CKAP5: variants seen among roughly 807,000 people sequenced by gnomAD.
CKAP5 encodes cytoskeleton-associated protein 5.
In CKAP5, 27 loss-of-function variants were observed where a neutral mutation model predicts 232.8. That is an observed-to-expected ratio of 0.12 (90% CI 0.09 to 0.16). The LOEUF is 0.16. Ranked by LOEUF, CKAP5 falls within the 10% of genes least tolerant of loss-of-function variation. The probability of loss-of-function intolerance (pLI) is 1.00; values close to 1 mark genes in which losing one functional copy is unlikely to be tolerated. For synonymous variants in CKAP5, 785 were observed against 841.1 expected (o/e 0.93, Z 1.16); for missense variants, 1,838 against 2,424.7 (o/e 0.76, Z 5.08).
rs1938915782 is a variant in CKAP5 at position 46,797,830 on chromosome 11, T to A, written c.1313A>T (p.Lys438Met). 6.2e-7 allele frequency: 1 copy of A among 1,613,104 alleles called. No individual in the cohort carries two copies. The highest frequency in any genetic ancestry group is 1.3e-5 in the African/African-American group (1 of 74,850). ...CTTAAGTAGTGCAGCACAAAAGGGC[T>A]TTAGCAAGCTCTTTGGCAGGGTAGA... is the stretch of plus-strand genomic sequence containing the variant. ...TASTLPKSLL[K>M]PFCAALLKHI... Residue 438 changes from lysine (K) to methionine (M), a missense_variant, in exon 11 of 44, where the codon AAG becomes ATG. Transcript: ENST00000529230.
chr11:46,821,013 G>A (rs762804625), intron 2 of CKAP5, 162 bp downstream of exon 2: 20 of 549,566 alleles, frequency 3.6e-5, no homozygotes, highest in Non-Finnish European at 5.7e-5. Flanking sequence ...TTTTAGTTGA[G>A]CTACAGAAAC....
rs116846611 is a variant in CKAP5 at position 46,784,021 on chromosome 11, A to T, written c.2154+467T>A. ...GTGTCTGACCGAATATTTTTGACTAAGATGAATTTTCATCACTAGGCAATA... is the reference window on the plus strand; with the variant it reads ...GTGTCTGACCGAATATTTTTGACTATGATGAATTTTCATCACTAGGCAATA... On this transcript the variant is annotated intron_variant, in intron 17 of 43. Coordinates refer to ENST00000529230, the MANE Select transcript of CKAP5 (RefSeq NM_001008938.4). 2.5e-3 allele frequency among the ~76,000 whole-genome samples: 379 copies of T among 151,732 alleles called. 6 individuals carry two copies. In the East Asian group the frequency reaches 0.041, roughly 17 times the overall value.
intron 18 of CKAP5, among the ~76,000 whole-genome samples, chr11:46,782,260 G>A (rs909130056): frequency 6.6e-6 from 1 of 152,038 alleles, no homozygotes; most frequent in East Asian, 1.9e-4. Context: ...TGAAGGACTG[G>A]AACAAACAAT....
Position 46,784,476 on chromosome 11 carries a change from T to C in CKAP5, c.2154+12A>G, listed in dbSNP as rs1027043876. On this transcript the variant is annotated intron_variant, in intron 17 of 43. Transcript: ENST00000529230. ...GGGAAAACTAGAGGAATAAGACTTCTGTGTCACTAACCTGTTCAGCAGTCC... is the reference window on the plus strand; with the variant it reads ...GGGAAAACTAGAGGAATAAGACTTCCGTGTCACTAACCTGTTCAGCAGTCC... The C allele has an allele frequency of 1.9e-6, 3 of 1,596,908 alleles. No homozygotes were observed. The highest frequency in any genetic ancestry group is 1.1e-5 in the South Asian group (1 of 88,054).
intron 13 of CKAP5, among the ~76,000 whole-genome samples, chr11:46,794,541 T>C (rs971266281): frequency 2.0e-5 from 3 of 152,092 alleles, no homozygotes; most frequent in African/African-American, 7.2e-5. Flanking sequence ...CACCTGCACA[T>C]GAAAAGATGC....
intron 1 of CKAP5, among the ~76,000 whole-genome samples, chr11:46,831,667 T>C (rs963885252): frequency 6.6e-6 from 1 of 152,050 alleles, no homozygotes; most frequent in Non-Finnish European, 1.5e-5. Context: ...TAGCTAGGAC[T>C]ACTGGGGCAT....
intron 1 of CKAP5, among the ~76,000 whole-genome samples, chr11:46,835,630 C>T (rs1939897458): frequency 1.3e-5 from 2 of 152,096 alleles, no homozygotes; most frequent in South Asian, 2.1e-4. Flanking sequence ...CAAGCCAATA[C>T]ACACTCACAC....
Position 46,762,962 on chromosome 11 carries a change from G to C in CKAP5, c.3891+14C>G, listed in dbSNP as rs754064406. On this transcript the variant is annotated intron_variant, in intron 30 of 43. Coordinates refer to ENST00000529230, the MANE Select transcript of CKAP5 (RefSeq NM_001008938.4). ...GAACTTAAGCAGTCTCCCAGAGAGA[G>C]AACACCACATTACCTTGACGACAAG... 15 of 1,607,646 alleles carry C rather than the reference G, an allele frequency of 9.3e-6. No individual in the cohort carries two copies. Among genetic ancestry groups the C allele is most frequent in the South Asian group, 5.5e-5 (5 of 90,816 alleles).
chr11:46,842,966 CAAAAAAAAAA>C (rs60343444), intron 1 of CKAP5, among the ~76,000 whole-genome samples: 3 of 39,408 alleles, frequency 7.6e-5, no homozygotes, highest in Non-Finnish European at 1.4e-4. Flanking sequence ...GACTCCGTCT[CAAAAAAAAAA>C]AAAAAAAAAA....
At chr11:46,792,506 T>C (rs2134642031) in intron 13 of CKAP5, among the ~76,000 whole-genome samples, 1 of 151,886 alleles carries the variant, frequency 6.6e-6, no homozygotes, top group South Asian at 2.1e-4. Flanking sequence ...TGAGATGAAA[T>C]CGTGCCACCG....
intron 23 of CKAP5, among the ~76,000 whole-genome samples, chr11:46,776,837 T>TCA: frequency 8.3e-5 from 1 of 12,102 alleles, no homozygotes; most frequent in South Asian, 8.5e-3. Flanking sequence ...AAAGCACAAA[T>TCA]TATATTAAAT....
chr11:46,794,955 T>G (rs1377542481), intron 13 of CKAP5, among the ~76,000 whole-genome samples: 6 of 152,190 alleles, frequency 3.9e-5, no homozygotes, highest in Admixed American at 3.9e-4. Context: ...TGTTAAAACA[T>G]GAAAAGCATT....
chr11:46,799,233 G>A (rs79625022), intron 9 of CKAP5, among the ~76,000 whole-genome samples: 2,901 of 150,724 alleles, frequency 0.019, 37 homozygotes, highest in Middle Eastern at 0.044. Context: ...ATTTTTTGTC[G>A]AGACGGGGGT....
In CKAP5 at chr11:46,796,956, A is replaced by G. The variant is rs1938890681; in HGVS notation, c.1339-16T>C. 10 of 1,612,324 alleles carry G rather than the reference A, an allele frequency of 6.2e-6. No homozygotes were observed. In the South Asian group the frequency reaches 9.9e-5, roughly 16 times the overall value. On this transcript the variant is annotated splice_polypyrimidine_tract_variant and intron_variant, in intron 11 of 43. Coordinates refer to ENST00000529230, the MANE Select transcript of CKAP5 (RefSeq NM_001008938.4). ...CATTGATGTGCTATAGTCCAGAAGT[A>G]AGCAAAATGATATTAATGCAAGGTA...
rs2065348371 is a variant in CKAP5 at position 46,782,125 on chromosome 11, T to C, written c.2249+1149A>G. Among the ~76,000 whole-genome samples the C allele has an allele frequency of 3.3e-5, 5 of 152,224 alleles. No individual in the cohort carries two copies. The South Asian group carries it at 1.0e-3, about 32-fold the overall frequency. On this transcript the variant is annotated intron_variant, in intron 18 of 43. Transcript: ENST00000529230. ...CAAGCATGAGCCACCGCGCCCGGCCTGCCTGCCTCTCTGTCTCTGTCTCTC... is the reference window on the plus strand; with the variant it reads ...CAAGCATGAGCCACCGCGCCCGGCCCGCCTGCCTCTCTGTCTCTGTCTCTC...
chr11:46,779,374 C>T (rs1276924502), intron 20 of CKAP5, among the ~76,000 whole-genome samples: 2 of 152,346 alleles, frequency 1.3e-5, no homozygotes, highest in East Asian at 1.9e-4. Context: ...CTCAAGTGAT[C>T]TGCCCGCCTT....
intron 1 of CKAP5, among the ~76,000 whole-genome samples, chr11:46,839,049 CTA>C (rs1565761334): frequency 6.6e-6 from 1 of 151,954 alleles, no homozygotes; most frequent in African/African-American, 2.4e-5. Context: ...AAAAAAAAAT[CTA>C]TGTTCTGCTT....
intron 9 of CKAP5, among the ~76,000 whole-genome samples, chr11:46,800,713 C>T (rs965576064): frequency 6.6e-6 from 1 of 152,056 alleles, no homozygotes; most frequent in Non-Finnish European, 1.5e-5. Context: ...ACATTGTAAC[C>T]TATATAAAAT....
chr11:46,793,935 C>CA (rs139515976), intron 13 of CKAP5, among the ~76,000 whole-genome samples: 22,460 of 147,546 alleles, frequency 0.15, 2,482 homozygotes, highest in African/African-American at 0.32. Context: ...TCAGAAAAAA[C>CA]AAAAAAAAAA....
Sources: allele counts gnomAD v4.1 joint callset (sites outside exome capture counted in the v4.1 genomes callset), GRCh38; gene constraint gnomAD v4.1.1; transcripts MANE v1.5; gene names NCBI Gene and HGNC (gene_info 2026-07-23, HGNC 2026-07-21).